CPED1: variants seen among roughly 807,000 people sequenced by gnomAD.
The protein encoded by CPED1 is cadherin-like and PC-esterase domain-containing protein 1.
Under a neutral mutation model 128.2 loss-of-function variants are expected in CPED1, and 114 were observed. The ratio of observed to expected loss-of-function variants is 0.89; its 90% CI spans 0.76 to 1.04. CPED1 has a LOEUF of 1.04. CPED1 is among the 50% of genes least tolerant of loss of function. The pLI is 0.00. For missense variants in CPED1, 1,211 were observed against 1,207.1 expected (o/e 1.00, Z -0.05); for synonymous variants, 462 against 426.7 (o/e 1.08, Z -1.02).
intron 16 of CPED1, among the ~76,000 whole-genome samples, chr7:121,172,740 A>G (rs566954490): frequency 1.3e-5 from 2 of 151,772 alleles, no homozygotes; most frequent in South Asian, 2.1e-4. Context: ...TAGGACTTTA[A>G]TATTACATGT....
At chr7:121,069,272 C>A (rs1249330344) in intron 5 of CPED1, among the ~76,000 whole-genome samples, 1 of 152,092 alleles carries the variant, frequency 6.6e-6, no homozygotes, top group Non-Finnish European at 1.5e-5. Context: ...TAATTCTGAG[C>A]AAGACTTAAA....
At position 121,055,257 on chromosome 7, in the gene CPED1, AC is replaced by A. The variant is rs1352174708; in HGVS notation, c.540+8265del. 2.7e-4 allele frequency among the ~76,000 whole-genome samples: 41 copies of A among 152,240 alleles called. No individual in the cohort carries two copies. In the South Asian group the frequency reaches 8.3e-3, roughly 31 times the overall value. The stretch of plus-strand genomic sequence containing the variant: ...TGTTTAACTTTAAGAAACTTTAAAA[AC>A]TTTTAAATTTAAAAATTTTTAAAAT... On this transcript the variant is annotated intron_variant, in intron 4 of 22. Transcript: ENST00000310396.
intron 16 of CPED1, among the ~76,000 whole-genome samples, chr7:121,211,485 AAC>A (rs1477836002): frequency 6.7e-6 from 1 of 148,728 alleles, no homozygotes; most frequent in Non-Finnish European, 1.5e-5. Flanking sequence ...AAAATTCTGA[AAC>A]ACAGCCAGGC....
intron 3 of CPED1, among the ~76,000 whole-genome samples, chr7:121,042,350 T>C (rs1447833512): frequency 1.3e-5 from 2 of 152,160 alleles, no homozygotes; most frequent in African/African-American, 4.8e-5. Context: ...TGTAGTTATT[T>C]CTTCCTCTGA....
Position 121,125,819 on chromosome 7 carries a change from G to A in CPED1, c.1062-1G>A. 1.9e-6 allele frequency: 3 copies of A among 1,608,808 alleles called. No homozygotes were observed. The highest frequency in any genetic ancestry group is 2.6e-6 in the Non-Finnish European group (3 of 1,175,714). On this transcript the variant is annotated splice_acceptor_variant, in intron 8 of 22. Coordinates refer to ENST00000310396, the MANE Select transcript of CPED1 (RefSeq NM_024913.5). LOFTEE classifies it high-confidence loss of function. ...TATGGTACCTTGTGTTTTCATTTTA[G>A]ATGCAGATTCTGCTTTCAACTTCTA...
chr7:120,994,657 G>GTGTGTGT (rs148572524), intron 2 of CPED1, among the ~76,000 whole-genome samples: 4 of 149,196 alleles, frequency 2.7e-5, no homozygotes, highest in African/African-American at 5.0e-5. Context: ...GTGTGTGTGT[G>GTGTGTGT]TGTTGTTGTT....
At chr7:121,197,121 T>A (rs1377343532) in intron 16 of CPED1, among the ~76,000 whole-genome samples, 1 of 30,666 alleles carries the variant, frequency 3.3e-5, no homozygotes, top group Non-Finnish European at 8.3e-5. Context: ...AAATAATCTT[T>A]TTTTTTTTTT....
At chr7:121,287,653 ATTTATC>A (rs1792612624) in intron 22 of CPED1, among the ~76,000 whole-genome samples, 1 of 151,996 alleles carries the variant, frequency 6.6e-6, no homozygotes, top group South Asian at 2.1e-4. Flanking sequence ...ATTTTCCTAC[ATTTATC>A]TTTAAGATGT....
At chr7:121,004,094 C>G (rs73723403) in intron 2 of CPED1, among the ~76,000 whole-genome samples, 1 of 152,154 alleles carries the variant, frequency 6.6e-6, no homozygotes, top group Non-Finnish European at 1.5e-5. Context: ...AGAAGTGGAG[C>G]CGATCTTTAC....
At chr7:120,990,833 C>G (rs1796298414) in intron 2 of CPED1, among the ~76,000 whole-genome samples, 1 of 152,186 alleles carries the variant, frequency 6.6e-6, no homozygotes, top group South Asian at 2.1e-4. Context: ...AGCTCCGTTG[C>G]TACCATTATT....
intron 2 of CPED1, among the ~76,000 whole-genome samples, chr7:120,994,625 CTGTG>C (rs35288728): frequency 6.6e-4 from 96 of 144,636 alleles, no homozygotes; most frequent in East Asian, 4.1e-3. Context: ...ATTTGTTATA[CTGTG>C]TGTGTGTGTG....
At chr7:121,138,412 T>A (rs1584540346) in intron 14 of CPED1, among the ~76,000 whole-genome samples, 1 of 152,086 alleles carries the variant, frequency 6.6e-6, no homozygotes, top group East Asian at 1.9e-4. Flanking sequence ...CAGGTGTTTT[T>A]GGCGGCAACA....
intron 2 of CPED1, among the ~76,000 whole-genome samples, chr7:121,013,493 A>G (rs557588777): frequency 3.3e-5 from 5 of 152,342 alleles, no homozygotes; most frequent in African/African-American, 1.2e-4. Context: ...CAAACTCACA[A>G]GCAGTTTTTC....
At chr7:121,255,965 T>A (rs1296624860) in intron 18 of CPED1, among the ~76,000 whole-genome samples, 2 of 151,748 alleles carry the variant, frequency 1.3e-5, no homozygotes, top group African/African-American at 4.8e-5. Context: ...ATTAATATTG[T>A]TAAAATGGCC....
At chr7:121,021,297 T>C (rs143965639) in intron 3 of CPED1, among the ~76,000 whole-genome samples, 143 of 152,086 alleles carry the variant, frequency 9.4e-4, no homozygotes, top group Middle Eastern at 3.4e-3. Flanking sequence ...ATTTAATAGA[T>C]TTCTATCTTC....
chr7:121,130,641 ATCAG>A (rs1315187229), intron 12 of CPED1, among the ~76,000 whole-genome samples: 2 of 152,090 alleles, frequency 1.3e-5, no homozygotes, highest in East Asian at 1.9e-4. Context: ...TTTATGAACC[ATCAG>A]TCAGAGTGGC....
At chr7:121,104,379 G>A (rs1345397355) in intron 7 of CPED1, among the ~76,000 whole-genome samples, 2 of 152,092 alleles carry the variant, frequency 1.3e-5, no homozygotes, top group Non-Finnish European at 2.9e-5. Flanking sequence ...TGCAAGAAAT[G>A]TCATAAATTT....
chr7:121,058,222 T>C (rs573170294), intron 4 of CPED1, among the ~76,000 whole-genome samples: 32 of 152,146 alleles, frequency 2.1e-4, no homozygotes, highest in African/African-American at 7.5e-4. Flanking sequence ...TGGAGAGTAA[T>C]TGGATGATTC....
At chr7:121,292,892 G>C (rs62476330) in intron 22 of CPED1, among the ~76,000 whole-genome samples, 1 of 152,138 alleles carries the variant, frequency 6.6e-6, no homozygotes, top group Non-Finnish European at 1.5e-5. Context: ...TCCTCTGGAA[G>C]CTTCATCCCA....
Sources: allele counts gnomAD v4.1 joint callset (sites outside exome capture counted in the v4.1 genomes callset), GRCh38; gene constraint gnomAD v4.1.1; transcripts MANE v1.5; gene names NCBI Gene and HGNC (gene_info 2026-07-23, HGNC 2026-07-21).